TENM4: variants seen among roughly 807,000 people sequenced by gnomAD.
The protein encoded by TENM4 is teneurin-4.
TENM4 carries 82 observed loss-of-function variants against 243.3 expected under a neutral mutation model. That is an observed-to-expected ratio of 0.34 (90% CI 0.28 to 0.40). The LOEUF is 0.40. Ranked by LOEUF, TENM4 falls within the 10% of genes least tolerant of loss-of-function variation. The pLI, the probability that TENM4 is intolerant of heterozygous loss-of-function variation, is 1.00. For synonymous variants in TENM4, 1,412 were observed against 1,456.3 expected, an observed-to-expected ratio of 0.97 and a Z score of 0.69; for missense variants, 3,138 against 3,673.3, an observed-to-expected ratio of 0.85 and a Z score of 3.77.
At chr11:79,043,479 G>T (rs946142562) in intron 6 of TENM4, among the ~76,000 whole-genome samples, 2 of 152,130 alleles carry the variant, frequency 1.3e-5, no homozygotes, top group African/African-American at 4.8e-5. Flanking sequence ...GTCCATGAGA[G>T]ACTGTGTGGA....
At chr11:79,077,487 A>G (rs749721944) in intron 4 of TENM4, among the ~76,000 whole-genome samples, 1 of 152,274 alleles carries the variant, frequency 6.6e-6, no homozygotes, top group Non-Finnish European at 1.5e-5. Flanking sequence ...ATTGCAATCC[A>G]GGATACACAC....
chr11:78,958,670 T>C (rs561876723), intron 6 of TENM4, among the ~76,000 whole-genome samples: 1 of 152,314 alleles, frequency 6.6e-6, no homozygotes, highest in Admixed American at 6.5e-5. Flanking sequence ...TTGACACAGC[T>C]GTGGGCAGAG....
At chr11:78,856,917 C>T (rs956471773) in intron 10 of TENM4, among the ~76,000 whole-genome samples, 4 of 152,216 alleles carry the variant, frequency 2.6e-5, no homozygotes, top group Non-Finnish European at 5.9e-5. Context: ...CCCAGGCTCC[C>T]AACCCTGTGC....
chr11:78,874,905 C>G (rs530910584), intron 9 of TENM4, among the ~76,000 whole-genome samples: 1 of 152,352 alleles, frequency 6.6e-6, no homozygotes, highest in African/African-American at 2.4e-5. Flanking sequence ...AGGGCATGAT[C>G]AATCTAGCTG....
At chr11:79,241,385 C>T (rs189184060) in intron 2 of TENM4, among the ~76,000 whole-genome samples, 175 of 152,158 alleles carry the variant, frequency 1.2e-3, no homozygotes, top group Non-Finnish European at 2.2e-3. Context: ...AGGGCCTCAG[C>T]ATCCTGTAGC....
chr11:79,347,542 C>A (rs914968151), intron 1 of TENM4, among the ~76,000 whole-genome samples: 1 of 152,062 alleles, frequency 6.6e-6, no homozygotes, highest in Non-Finnish European at 1.5e-5. Context: ...CCAGGGAGGA[C>A]CTCATTCTCT....
intron 1 of TENM4, among the ~76,000 whole-genome samples, chr11:79,399,011 A>G (rs1421561692): frequency 6.6e-6 from 1 of 152,156 alleles, no homozygotes; most frequent in African/African-American, 2.4e-5. Flanking sequence ...TGCAGAGGGA[A>G]GTGTGCTAGG....
chr11:79,255,118 G>T (rs551783283), intron 2 of TENM4, among the ~76,000 whole-genome samples: 1 of 152,212 alleles, frequency 6.6e-6, no homozygotes, highest in African/African-American at 2.4e-5. Flanking sequence ...AGAATTGGGG[G>T]CGTGGTGCAA....
intron 6 of TENM4, among the ~76,000 whole-genome samples, chr11:79,012,338 G>T (rs572865295): frequency 6.6e-6 from 1 of 152,182 alleles, no homozygotes; most frequent in Non-Finnish European, 1.5e-5. Flanking sequence ...GAAAACAGGA[G>T]GTTGCCAGAC....
chr11:79,440,085 G>A lies in TENM4; in HGVS notation c.-321+424C>T, dbSNP rs1192259202. ...CCGCTGAAGCCCGGCGCCGCCTCGC[G>A]GGCTCCTCCAGCGCCCGACGGGGGC... On this transcript the variant is annotated intron_variant, in intron 1 of 33. Transcript: ENST00000278550. This position sits in a 1 kb window ranked among gnomAD's most constrained non-coding sequence, Gnocchi z 4.7. Among the ~76,000 whole-genome samples the A allele has an allele frequency of 6.6e-6, 1 of 152,050 alleles. No individual in the cohort carries two copies. Among genetic ancestry groups the A allele is most frequent in the Admixed American group, 6.5e-5 (1 of 15,284 alleles).
At chr11:79,184,493 A>G (rs1863346894) in intron 3 of TENM4, among the ~76,000 whole-genome samples, 1 of 134,064 alleles carries the variant, frequency 7.5e-6, no homozygotes, top group Non-Finnish European at 1.5e-5. Flanking sequence ...CCTGCTGTGC[A>G]GCTAGGTTCC....
intron 1 of TENM4, among the ~76,000 whole-genome samples, chr11:79,336,574 G>A (rs776959380): frequency 6.6e-6 from 1 of 152,180 alleles, no homozygotes; most frequent in Non-Finnish European, 1.5e-5. Flanking sequence ...CCAGGATTGG[G>A]CTCCATTTGC....
intron 2 of TENM4, among the ~76,000 whole-genome samples, chr11:79,237,648 G>A (rs547981145): frequency 7.9e-5 from 12 of 152,332 alleles, no homozygotes; most frequent in Admixed American, 6.5e-4. Context: ...CTGCACTCCA[G>A]CCTGGGCAAC....
chr11:79,420,204 A>G (rs1432113022), intron 1 of TENM4, among the ~76,000 whole-genome samples: 2 of 152,192 alleles, frequency 1.3e-5, no homozygotes, highest in Non-Finnish European at 2.9e-5. Flanking sequence ...AACATGTTAA[A>G]TCCTTACTCT....
intron 7 of TENM4, among the ~76,000 whole-genome samples, chr11:78,893,968 G>T (rs1032957496): frequency 1.3e-5 from 2 of 152,174 alleles, no homozygotes; most frequent in Non-Finnish European, 2.9e-5. Context: ...CAAGGCAGAA[G>T]TCTTATCTGT....
At chr11:78,740,827 C>G (rs1442647974) in intron 19 of TENM4, among the ~76,000 whole-genome samples, 2 of 152,200 alleles carry the variant, frequency 1.3e-5, no homozygotes, top group East Asian at 1.9e-4. Flanking sequence ...TCTGATTGAT[C>G]TCTCTTTGGG....
chr11:78,854,616 C>A (rs1406971718), intron 11 of TENM4, among the ~76,000 whole-genome samples: 1 of 152,070 alleles, frequency 6.6e-6, no homozygotes, highest in Admixed American at 6.6e-5. Flanking sequence ...GAGTCTGTAC[C>A]AGGACAACCA....
chr11:79,184,332 C>CATT (rs1863344486), intron 3 of TENM4, among the ~76,000 whole-genome samples: 1 of 152,070 alleles, frequency 6.6e-6, no homozygotes, highest in Non-Finnish European at 1.5e-5. Flanking sequence ...GATCATCAGA[C>CATT]ATTAGATCCT....
chr11:78,712,677 G>A lies in TENM4; in HGVS notation c.3859C>T (p.Pro1287Ser). 1 of 1,613,968 alleles carries A rather than the reference G, an allele frequency of 6.2e-7. No homozygotes were observed. Among genetic ancestry groups the A allele is most frequent in the Non-Finnish European group, 8.5e-7 (1 of 1,179,880 alleles). ...GAAAGGAAGACGGCCCCACTCATGG[G>A]GTCTGTGGCCAGGTAGTATTTGTGT... ...PAHKYYLATD[P>S]MSGAVFLSDS... is the part of the protein sequence containing the mutation. The change falls in exon 26 of 34, where the codon CCC (proline) becomes TCC (serine). Residue 1287 changes from proline (P) to serine (S), a missense_variant. Pro to Ser is a moderately conservative substitution (Grantham distance 74). Around this residue, in one of 2 missense-constraint regions of TENM4, gnomAD observed 2,467 missense variants for 3,059.1 expected, o/e 0.81. Transcript: ENST00000278550.
Sources: allele counts gnomAD v4.1 joint callset (sites outside exome capture counted in the v4.1 genomes callset), GRCh38; gene constraint gnomAD v4.1.1; regional missense constraint gnomAD v4.1.1; non-coding constraint Gnocchi (gnomAD v3.1); transcripts MANE v1.5; gene names NCBI Gene and HGNC (gene_info 2026-07-23, HGNC 2026-07-21).